Variants in MAPK8 observed in about 807,000 individuals in gnomAD.
The protein encoded by MAPK8 is mitogen-activated protein kinase 8, also known as JUN N-terminal kinase.
In MAPK8, 13 loss-of-function variants were observed where a neutral mutation model predicts 52.9. That is an observed-to-expected ratio of 0.25 (90% CI 0.16 to 0.39). MAPK8 has a LOEUF of 0.39. Among genes scored for constraint, MAPK8 ranks in the 10% least tolerant of loss-of-function variants. The pLI is 1.00. For missense variants in MAPK8, 300 were observed against 519.2 expected, an observed-to-expected ratio of 0.58 and a Z score of 4.10; for synonymous variants, 191 against 169.8, an observed-to-expected ratio of 1.12 and a Z score of -0.97.
intron 1 of MAPK8, among the ~76,000 whole-genome samples, chr10:48,348,445 G>C (rs1845996128): frequency 1.3e-5 from 2 of 152,164 alleles, no homozygotes. Context: ...TGGTGTTTTA[G>C]TCATGAAATC....
intron 1 of MAPK8, among the ~76,000 whole-genome samples, chr10:48,318,178 T>TG (rs1842681499): frequency 6.6e-6 from 1 of 152,184 alleles, no homozygotes; most frequent in African/African-American, 2.4e-5. Context: ...ACTGCAGCCT[T>TG]GAGGCAGAAT....
chr10:48,328,928 T>C (rs988437169), intron 1 of MAPK8, among the ~76,000 whole-genome samples: 21 of 151,388 alleles, frequency 1.4e-4, no homozygotes, highest in Non-Finnish European at 2.6e-4. Flanking sequence ...TCTAATTTGA[T>C]TTTTCTGCAT....
rs764395640 is a variant in MAPK8, at chr10:48,438,748, G to C, written c.*3719G>C. 6.6e-6 allele frequency: 1 copy of C among 152,170 alleles called. No homozygotes were observed. The highest frequency in any genetic ancestry group is 2.4e-5 in the African/African-American group (1 of 41,428). 9.4% of individuals were successfully genotyped at this position (152,170 alleles called of 1,614,324 possible). On this transcript the variant is annotated 3_prime_UTR_variant, in exon 12 of 12. Coordinates refer to ENST00000374189, the MANE Select transcript of MAPK8 (RefSeq NM_001323329.2). Reference sequence around the variant, plus strand: ...GCCAATGTTGACACAATACCAGTAAGTATGTAAAGTATATACCTTACATCA... The same window carrying C: ...GCCAATGTTGACACAATACCAGTAACTATGTAAAGTATATACCTTACATCA...
intron 1 of MAPK8, among the ~76,000 whole-genome samples, chr10:48,360,505 A>C (rs1017018911): frequency 1.3e-5 from 2 of 152,178 alleles, no homozygotes; most frequent in African/African-American, 2.4e-5. Flanking sequence ...AGGCATCTAC[A>C]AGAATGTTCA....
chr10:48,423,957 G>A (rs1471740566), intron 6 of MAPK8, 131 bp from the exon 7 acceptor site: 1 of 534,570 alleles, frequency 1.9e-6, no homozygotes, highest in East Asian at 3.0e-5. Context: ...TATTCCGTTA[G>A]CTAAAGTTAC....
At chr10:48,355,275 C>A (rs1051151309) in intron 1 of MAPK8, among the ~76,000 whole-genome samples, 5 of 152,008 alleles carry the variant, frequency 3.3e-5, no homozygotes, top group Non-Finnish European at 7.4e-5. Context: ...TTTGGGAGGC[C>A]GAGGTGGGCG....
At chr10:48,349,174 T>C (rs1432002923) in intron 1 of MAPK8, among the ~76,000 whole-genome samples, 1 of 152,084 alleles carries the variant, frequency 6.6e-6, no homozygotes, top group African/African-American at 2.4e-5. Context: ...CGTACAATAA[T>C]AGTGGGCGAC....
chr10:48,389,686 G>T (rs2132833946), intron 1 of MAPK8, among the ~76,000 whole-genome samples: 1 of 152,016 alleles, frequency 6.6e-6, no homozygotes, highest in East Asian at 1.9e-4. Flanking sequence ...AATGTCTGCT[G>T]TTAGCCAGGT....
At chr10:48,384,204 A>T (rs982630040) in intron 1 of MAPK8, among the ~76,000 whole-genome samples, 4 of 152,338 alleles carry the variant, frequency 2.6e-5, no homozygotes, top group South Asian at 4.1e-4. Context: ...GTGAGCCGAG[A>T]TCACGCTAGT....
At chr10:48,403,999 G>A (rs1347198072) in intron 2 of MAPK8, among the ~76,000 whole-genome samples, 1 of 150,772 alleles carries the variant, frequency 6.6e-6, no homozygotes, top group African/African-American at 2.4e-5. Context: ...TAGCCGGGAT[G>A]GTCTCGATCT....
rs549465424 is a variant in MAPK8, at chr10:48,427,516, G to A, written c.1060+373G>A. 44 of 159,616 alleles carry A rather than the reference G, an allele frequency of 2.8e-4. No homozygotes were observed. The East Asian group carries it at 6.8e-3, about 25-fold the overall frequency. The allele number at this position is 159,616 out of a possible 1,614,324, so 9.9% of individuals were successfully genotyped here. A position where few individuals can be genotyped will look rare whatever the true frequency, so the allele number is the denominator to read the frequency against. ...ATTTATTATATATTTTTTTGAGTTGGAGTCTCGCTCTGTCACCCAGGCTGG... is the reference window on the plus strand; with the variant it reads ...ATTTATTATATATTTTTTTGAGTTGAAGTCTCGCTCTGTCACCCAGGCTGG... On this transcript the variant is annotated intron_variant, in intron 10 of 11. Coordinates refer to ENST00000374189, the MANE Select transcript of MAPK8 (RefSeq NM_001323329.2).
intron 1 of MAPK8, among the ~76,000 whole-genome samples, chr10:48,362,800 G>T (rs1180972319): frequency 6.8e-6 from 1 of 147,554 alleles, no homozygotes. Context: ...GAGTGCAATG[G>T]CGTGATCTTG....
intron 1 of MAPK8, among the ~76,000 whole-genome samples, chr10:48,379,171 G>A (rs1420071198): frequency 6.6e-6 from 1 of 152,174 alleles, no homozygotes; most frequent in Non-Finnish European, 1.5e-5. Context: ...TACTTTCACA[G>A]TTTGGTGAAT....
chr10:48,327,971 C>T (rs1348827106), intron 1 of MAPK8, among the ~76,000 whole-genome samples: 2 of 152,064 alleles, frequency 1.3e-5, no homozygotes, highest in East Asian at 3.8e-4. Flanking sequence ...GTAATGATGA[C>T]CCCTCTTCCA....
chr10:48,426,429 T>G lies in MAPK8; in HGVS notation c.921T>G (p.Ser307=). The G allele has an allele frequency of 6.2e-7, 1 of 1,611,800 alleles. No homozygotes were observed. The highest frequency in any genetic ancestry group is 8.5e-7 in the Non-Finnish European group (1 of 1,178,916). Residue 307 remains serine (S), a synonymous_variant, in exon 9 of 12, where the codon TCT becomes TCG. Transcript: ENST00000374189. The stretch of plus-strand genomic sequence containing the variant: ...CCAAAATGCTGGTAATAGATGCATC[T>G]AAAAGGATCTCTGTAGATGAAGCTC... ...LLSKMLVIDA[S]KRISVDEALQ...
At position 48,374,257 on chromosome 10, in the gene MAPK8, A is replaced by T. The variant is rs111718206; in HGVS notation, c.-49-27355A>T. On this transcript the variant is annotated intron_variant, in intron 1 of 11. Coordinates refer to ENST00000374189, the MANE Select transcript of MAPK8 (RefSeq NM_001323329.2). The stretch of plus-strand genomic sequence containing the variant: ...CACATTTTAAGCATGCCTAGAGGAA[A>T]ATTTATAGCACTAAATGCCCATAAG... 5.5e-3 allele frequency among the ~76,000 whole-genome samples: 834 copies of T among 152,294 alleles called. 7 individuals are homozygous for T. The highest frequency in any genetic ancestry group is 0.019 in the African/African-American group (777 of 41,560).
intron 1 of MAPK8, among the ~76,000 whole-genome samples, chr10:48,379,012 G>T (rs1198072764): frequency 6.6e-6 from 1 of 152,170 alleles, no homozygotes; most frequent in African/African-American, 2.4e-5. Flanking sequence ...TGATTTATTT[G>T]CATAAAGTGC....
At chr10:48,351,472 A>G (rs1205604464) in intron 1 of MAPK8, among the ~76,000 whole-genome samples, 1 of 151,886 alleles carries the variant, frequency 6.6e-6, no homozygotes, top group Non-Finnish European at 1.5e-5. Context: ...AGCCTCCCAA[A>G]GTGTTGGGAT....
chr10:48,407,093 T>C (rs974549460), intron 3 of MAPK8, among the ~76,000 whole-genome samples: 2 of 152,228 alleles, frequency 1.3e-5, no homozygotes, highest in African/African-American at 4.8e-5. Context: ...TGAAATGTGG[T>C]TGCTCTTCCT....
Sources: allele counts gnomAD v4.1 joint callset (sites outside exome capture counted in the v4.1 genomes callset), GRCh38; gene constraint gnomAD v4.1.1; transcripts MANE v1.5; gene names NCBI Gene and HGNC (gene_info 2026-07-23, HGNC 2026-07-21).